Variants in DTNA observed in about 807,000 individuals in gnomAD.
The protein encoded by DTNA is dystrophin-related protein 3.
Under a neutral mutation model 100.7 loss-of-function variants are expected in DTNA, and 43 were observed. The observed-to-expected ratio is 0.43, with a 90% CI of 0.33 to 0.55. DTNA has a LOEUF of 0.55. Among genes scored for constraint, DTNA ranks in the 20% least tolerant of loss-of-function variants. The pLI, the probability that DTNA is intolerant of heterozygous loss-of-function variation, is 0.04. For missense variants in DTNA, 798 were observed against 953.9 expected (o/e 0.84, Z 2.15); for synonymous variants, 349 against 347.9 (o/e 1.00, Z -0.04).
rs1189549923 is a variant in DTNA at position 34,889,940 on chromosome 18, T to A, written c.*2206T>A. On this transcript the variant is annotated 3_prime_UTR_variant, in exon 23 of 23. Coordinates refer to ENST00000444659, the MANE Select transcript of DTNA (RefSeq NM_001386795.1). ...CCCATACCTCTCTAGATGGAGCAGG[T>A]GGCCACTGGTGCCTCATACTCAGTA... 18 of 1,054,248 alleles carry A rather than the reference T, an allele frequency of 1.7e-5. No homozygotes were observed. Among genetic ancestry groups the A allele is most frequent in the Non-Finnish European group, 2.1e-5 (18 of 872,612 alleles). The allele number at this position is 1,054,248 out of a possible 1,614,324, so 65.3% of individuals were successfully genotyped here.
chr18:34,816,194 A>T (rs2095593152), intron 7 of DTNA, among the ~76,000 whole-genome samples, 180 bp downstream of exon 7: 1 of 152,196 alleles, frequency 6.6e-6, no homozygotes, highest in Non-Finnish European at 1.5e-5. Context: ...CCACTGAAAA[A>T]TTAGGACTGT....
At chr18:34,596,445 C>T (rs1473258204) in intron 1 of DTNA, among the ~76,000 whole-genome samples, 1 of 152,104 alleles carries the variant, frequency 6.6e-6, no homozygotes, top group African/African-American at 2.4e-5. Context: ...TCTCGAACTC[C>T]TGGCCTCAAG....
intron 12 of DTNA, 149 bp from the exon 13 acceptor site, chr18:34,838,596 T>G: frequency 1.4e-6 from 1 of 701,514 alleles, no homozygotes; most frequent in African/African-American, 1.7e-5. Flanking sequence ...ATTTCACTTG[T>G]GTTTTTCATA....
At chr18:34,842,462 A>G (rs892939961) in intron 13 of DTNA, among the ~76,000 whole-genome samples, 4 of 152,140 alleles carry the variant, frequency 2.6e-5, no homozygotes, top group Admixed American at 6.6e-5. Context: ...ATAGATTCCT[A>G]TTGGACCTAG....
intron 1 of DTNA, among the ~76,000 whole-genome samples, chr18:34,650,662 T>G (rs982669459): frequency 3.3e-5 from 5 of 152,154 alleles, no homozygotes; most frequent in African/African-American, 1.2e-4. Context: ...GACACTATAC[T>G]AGGCCCAGAA....
chr18:34,642,634 C>T (rs567010159), intron 1 of DTNA, among the ~76,000 whole-genome samples: 1 of 152,080 alleles, frequency 6.6e-6, no homozygotes, highest in Admixed American at 6.6e-5. Flanking sequence ...TCTCGGCTCA[C>T]TGCGACCTCC....
rs182187803 is a variant in DTNA at position 34,879,427 on chromosome 18, T to C, written c.1994-124T>C. On this transcript the variant is annotated intron_variant, in intron 19 of 22. Transcript: ENST00000444659. ...TTGAAACAATAAAAATGTATTTGAT[T>C]AAAATATGATAACTGGTTAACATTT... The C allele has an allele frequency of 3.2e-4, 301 of 932,390 alleles. No individual in the cohort carries two copies. The East Asian group carries it at 6.6e-3, about 21-fold the overall frequency. The allele number at this position is 932,390 out of a possible 1,614,324, so 57.8% of individuals were successfully genotyped here. A position where few individuals can be genotyped will look rare whatever the true frequency, so the allele number is the denominator to read the frequency against.
chr18:34,789,200 G>GT (rs1250954022), intron 3 of DTNA, among the ~76,000 whole-genome samples: 2 of 152,120 alleles, frequency 1.3e-5, no homozygotes, highest in Non-Finnish European at 2.9e-5. Flanking sequence ...CGTGACTGCA[G>GT]TTTTTTCTGC....
intron 1 of DTNA, among the ~76,000 whole-genome samples, chr18:34,555,290 C>A (rs997356444): frequency 6.8e-6 from 1 of 148,122 alleles, no homozygotes; most frequent in Non-Finnish European, 1.5e-5. Flanking sequence ...GTCTTGCTAG[C>A]GGTCTATCAG....
At chr18:34,724,389 T>C (rs1167677867) in intron 1 of DTNA, among the ~76,000 whole-genome samples, 1 of 152,232 alleles carries the variant, frequency 6.6e-6, no homozygotes, top group Non-Finnish European at 1.5e-5. Context: ...CATAAACTGT[T>C]GGTAGAAGTG....
chr18:34,524,590 C>A (rs1258290416), intron 1 of DTNA, among the ~76,000 whole-genome samples: 2 of 152,136 alleles, frequency 1.3e-5, no homozygotes, highest in Non-Finnish European at 2.9e-5. Flanking sequence ...AGTTAAATTA[C>A]AAACTGTTTT....
upstream of DTNA, among the ~76,000 whole-genome samples, chr18:34,706,510 A>C (rs959917641): frequency 6.6e-6 from 1 of 152,176 alleles, no homozygotes; most frequent in African/African-American, 2.4e-5. Flanking sequence ...CACATGAAAA[A>C]ATACAAAAAC....
At chr18:34,883,048 A>C (rs2096888550) in intron 21 of DTNA, among the ~76,000 whole-genome samples, 1 of 152,186 alleles carries the variant, frequency 6.6e-6, no homozygotes, top group Non-Finnish European at 1.5e-5. Context: ...AATTCACTGA[A>C]CATGACATAT....
At chr18:34,841,046 T>C (rs1248138292) in intron 13 of DTNA, among the ~76,000 whole-genome samples, 1 of 152,104 alleles carries the variant, frequency 6.6e-6, no homozygotes, top group Non-Finnish European at 1.5e-5. Context: ...CCAAGCTCTA[T>C]GTTCAGAGCC....
At chr18:34,853,009 A>G (rs981693910) in intron 15 of DTNA, among the ~76,000 whole-genome samples, 2 of 152,184 alleles carry the variant, frequency 1.3e-5, no homozygotes, top group African/African-American at 4.8e-5. Flanking sequence ...GGCCATGGCT[A>G]AATGGTCCCT....
chr18:34,605,271 T>C (rs1305686523), intron 1 of DTNA, among the ~76,000 whole-genome samples: 1 of 152,154 alleles, frequency 6.6e-6, no homozygotes, highest in Non-Finnish European at 1.5e-5. Flanking sequence ...TTAAATATAT[T>C]GTTCTATATT....
At chr18:34,771,614 A>G (rs766777075) in intron 3 of DTNA, among the ~76,000 whole-genome samples, 1 of 152,178 alleles carries the variant, frequency 6.6e-6, no homozygotes, top group Non-Finnish European at 1.5e-5. Context: ...TACCTTCCCC[A>G]TGATGTAACT....
intron 1 of DTNA, among the ~76,000 whole-genome samples, chr18:34,518,935 G>C (rs1233510275): frequency 6.6e-6 from 1 of 152,060 alleles, no homozygotes; most frequent in Non-Finnish European, 1.5e-5. Context: ...TGCAGGCAGA[G>C]TAGGTGTAAG....
chr18:34,589,637 C>T (rs1440366396), intron 1 of DTNA, among the ~76,000 whole-genome samples: 1 of 151,884 alleles, frequency 6.6e-6, no homozygotes, highest in Non-Finnish European at 1.5e-5. Context: ...AAAAAAGTAC[C>T]TCATAATCTA....
Sources: allele counts gnomAD v4.1 joint callset (sites outside exome capture counted in the v4.1 genomes callset), GRCh38; gene constraint gnomAD v4.1.1; transcripts MANE v1.5; gene names NCBI Gene and HGNC (gene_info 2026-07-23, HGNC 2026-07-21).